The following TBC1D19 variants were observed in gnomAD, a reference collection of about 807,000 sequenced individuals.
The protein encoded by TBC1D19 is TBC1 domain family, member 19.
A neutral mutation model predicts 89.0 loss-of-function variants in TBC1D19; 60 were observed. That is an observed-to-expected ratio of 0.67 (90% CI 0.55 to 0.84). The LOEUF (loss-of-function observed/expected upper bound fraction) is 0.84. Ranked by LOEUF, TBC1D19 falls within the 40% of genes least tolerant of loss-of-function variation. TBC1D19 has a pLI of 0.00. For synonymous variants in TBC1D19, 189 were observed against 199.7 expected, an observed-to-expected ratio of 0.95 and a Z score of 0.45; for missense variants, 500 against 610.8, an observed-to-expected ratio of 0.82 and a Z score of 1.91.
At chr4:26,688,692 A>G (rs1259491916) in intron 13 of TBC1D19, among the ~76,000 whole-genome samples, 2 of 152,106 alleles carry the variant, frequency 1.3e-5, no homozygotes, top group Non-Finnish European at 2.9e-5. Flanking sequence ...TGCTTAAATC[A>G]GATGTCAAAT....
upstream of TBC1D19, among the ~76,000 whole-genome samples, chr4:26,583,666 A>C (rs1302270392): frequency 2.0e-5 from 3 of 152,220 alleles, no homozygotes; most frequent in Non-Finnish European, 4.4e-5. Flanking sequence ...TACCTCAGCT[A>C]ATCATCACAA....
At chr4:26,802,979 G>A in the TBC1D19 span, among the ~76,000 whole-genome samples, 2 of 152,208 alleles carry the variant, frequency 1.3e-5, no homozygotes, top group South Asian at 2.1e-4. Flanking sequence ...CTCTAGTGTC[G>A]GTTCATCTGA....
intron 4 of TBC1D19, among the ~76,000 whole-genome samples, chr4:26,628,403 G>C (rs1299435276): frequency 2.0e-5 from 3 of 152,112 alleles, no homozygotes; most frequent in Non-Finnish European, 4.4e-5. Context: ...CTTTAAAGTA[G>C]TTTTTTCCAG....
the TBC1D19 span, among the ~76,000 whole-genome samples, chr4:26,766,896 A>G: frequency 5.3e-5 from 8 of 152,214 alleles, no homozygotes; most frequent in Non-Finnish European, 8.8e-5. Flanking sequence ...GAAGAAATCT[A>G]TTCTTATCAT....
At chr4:26,674,237 C>T (rs1312945980) in intron 11 of TBC1D19, among the ~76,000 whole-genome samples, 2 of 151,988 alleles carry the variant, frequency 1.3e-5, no homozygotes, top group Non-Finnish European at 2.9e-5. Context: ...AGAAAGGCAA[C>T]TCAGGTTAAG....
intron 1 of TBC1D19, among the ~76,000 whole-genome samples, chr4:26,595,671 C>A (rs183027753): frequency 3.9e-5 from 6 of 152,096 alleles, no homozygotes; most frequent in African/African-American, 1.4e-4. Context: ...CTTCCTCCCC[C>A]CTCCTTTGCA....
chr4:26,782,550 G>GC, the TBC1D19 span, among the ~76,000 whole-genome samples: 6 of 152,090 alleles, frequency 3.9e-5, no homozygotes, highest in Non-Finnish European at 8.8e-5. Context: ...ATGTAGTTTT[G>GC]CATCTTTCTC....
chr4:26,675,460 A>G (rs564646238), intron 11 of TBC1D19, among the ~76,000 whole-genome samples: 80 of 152,200 alleles, frequency 5.3e-4, no homozygotes, highest in African/African-American at 1.9e-3. Context: ...TGAGTTTTCT[A>G]ATTGCAAAGT....
At chr4:26,851,304 C>CCTCTCTATCTATCTATCTGTCTGTCTAT in the TBC1D19 span, among the ~76,000 whole-genome samples, 7 of 146,974 alleles carry the variant, frequency 4.8e-5, no homozygotes, top group African/African-American at 1.8e-4. Flanking sequence ...TAATAAATAC[C>CCTCTCTATCTATCTATCTGTCTGTCTAT]CTATCTATCT....
At position 26,688,944 on chromosome 4, in the gene TBC1D19, T is replaced by A. The variant is rs73813815; in HGVS notation, c.954+537T>A. On this transcript the variant is annotated intron_variant, in intron 13 of 20. Coordinates refer to ENST00000264866, the MANE Select transcript of TBC1D19 (RefSeq NM_018317.4). ...GAATTGCTTACATGATGTTCTTTTT[T>A]AAAAAGATATGTACATATTAATAAT... Among the ~76,000 whole-genome samples the A allele has an allele frequency of 3.4e-3, 524 of 152,126 alleles. 4 individuals are homozygous for A. The highest frequency in any genetic ancestry group is 0.012 in the African/African-American group (513 of 41,556).
At chr4:26,637,326 A>G (rs1323871461) in intron 5 of TBC1D19, 41 bp downstream of exon 5, 1 of 1,414,638 alleles carries the variant, frequency 7.1e-7, no homozygotes, top group East Asian at 2.3e-5. Context: ...TTCATTGTGA[A>G]TCAAATACAG....
chr4:26,744,979 A>G (rs1314090029), intron 18 of TBC1D19, among the ~76,000 whole-genome samples: 4 of 152,106 alleles, frequency 2.6e-5, no homozygotes, highest in Middle Eastern at 3.2e-3. Flanking sequence ...TCTAATTATA[A>G]TTGTGGATTT....
chr4:26,759,199 T>A (rs1263045371), downstream of TBC1D19, among the ~76,000 whole-genome samples: 1 of 152,212 alleles, frequency 6.6e-6, no homozygotes, highest in African/African-American at 2.4e-5. Context: ...AGACTGTGAC[T>A]CCTTGAGGAC....
intron 13 of TBC1D19, among the ~76,000 whole-genome samples, chr4:26,712,082 GA>G (rs1199787134): frequency 6.6e-6 from 1 of 152,028 alleles, no homozygotes; most frequent in Non-Finnish European, 1.5e-5. Flanking sequence ...TAAACTAAGG[GA>G]AAGTTAATAC....
chr4:26,793,417 G>A, the TBC1D19 span, among the ~76,000 whole-genome samples: 1 of 152,182 alleles, frequency 6.6e-6, no homozygotes, highest in Non-Finnish European at 1.5e-5. Context: ...CAATGGTACA[G>A]TTGATGTCAT....
At chr4:26,762,856 C>A in the TBC1D19 span, among the ~76,000 whole-genome samples, 1 of 152,256 alleles carries the variant, frequency 6.6e-6, no homozygotes, top group East Asian at 1.9e-4. Flanking sequence ...ATACAGGCAG[C>A]TTCTAGAAGC....
chr4:26,819,902 GAATGCTCGTCCCTC>G, the TBC1D19 span, among the ~76,000 whole-genome samples: 1 of 152,128 alleles, frequency 6.6e-6, no homozygotes, highest in South Asian at 2.1e-4. Context: ...CCTTGACCTG[GAATGCTCGTCCCTC>G]AGATATCAAC....
chr4:26,795,919 A>G, the TBC1D19 span, among the ~76,000 whole-genome samples: 1 of 152,198 alleles, frequency 6.6e-6, no homozygotes, highest in Non-Finnish European at 1.5e-5. Flanking sequence ...CACCATATGT[A>G]TCCCTCCAGA....
chr4:26,777,492 G>T, the TBC1D19 span, among the ~76,000 whole-genome samples: 5 of 151,950 alleles, frequency 3.3e-5, no homozygotes, highest in Admixed American at 6.6e-5. Flanking sequence ...AGGCTGGAGT[G>T]CAGTGGCATA....
Sources: gnomAD v4.1 joint callset for allele counts (sites outside exome capture counted in the v4.1 genomes callset) on GRCh38, gnomAD v4.1.1 for gene constraint, MANE v1.5 for transcripts, NCBI Gene and HGNC (gene_info 2026-07-23, HGNC 2026-07-21) for gene names.